ATP13A3: variants seen among roughly 807,000 people sequenced by gnomAD.
The protein encoded by ATP13A3 is polyamine-transporting ATPase 13A3.
Under a neutral mutation model 158.1 loss-of-function variants are expected in ATP13A3, and 59 were observed. The ratio of observed to expected loss-of-function variants is 0.37; its 90% CI spans 0.30 to 0.46. The LOEUF (loss-of-function observed/expected upper bound fraction) is 0.46, where lower values mean the gene tolerates loss of function less well. Ranked by LOEUF, ATP13A3 falls within the 20% of genes least tolerant of loss-of-function variation. The pLI is 1.00. For missense variants in ATP13A3, 1,166 were observed against 1,525.2 expected, an observed-to-expected ratio of 0.76 and a Z score of 3.92; for synonymous variants, 491 against 504.3, an observed-to-expected ratio of 0.97 and a Z score of 0.35.
intron 31 of ATP13A3, among the ~76,000 whole-genome samples, chr3:194,415,658 A>ATTTT (rs1715780753): frequency 1.6e-5 from 2 of 122,944 alleles, no homozygotes; most frequent in African/African-American, 7.3e-5. Flanking sequence ...ACAATACCAC[A>ATTTT]TTCTTTTTTT....
upstream of ATP13A3, among the ~76,000 whole-genome samples, chr3:194,491,134 ACT>A (rs1721141228): frequency 2.6e-5 from 4 of 152,076 alleles, no homozygotes; most frequent in South Asian, 8.3e-4. Flanking sequence ...ACAGAGCAAG[ACT>A]CTATCTCAAA....
At chr3:194,477,547 C>T (rs1720578237) in intron 2 of ATP13A3, among the ~76,000 whole-genome samples, 1 of 152,244 alleles carries the variant, frequency 6.6e-6, no homozygotes, top group African/African-American at 2.4e-5. Flanking sequence ...ACCTCCACCA[C>T]AGCACTATGT....
intron 10 of ATP13A3, chr3:194,450,638 C>G (rs550475912): frequency 5.4e-6 from 1 of 184,002 alleles, no homozygotes; most frequent in African/African-American, 2.3e-5. Context: ...ACAGGTCAAA[C>G]AAACTCCGAT....
At chr3:194,418,059 G>C (rs1403845759) in intron 31 of ATP13A3, among the ~76,000 whole-genome samples, 1 of 150,972 alleles carries the variant, frequency 6.6e-6, no homozygotes, top group African/African-American at 2.4e-5. Context: ...AGGAAGGAAG[G>C]AAACTGATAT....
At chr3:194,462,488 G>A (rs1044773682) in intron 2 of ATP13A3, among the ~76,000 whole-genome samples, 22 of 152,126 alleles carry the variant, frequency 1.4e-4, no homozygotes, top group African/African-American at 5.3e-4. Flanking sequence ...AACTGCGCGT[G>A]CAAGGGATCT....
chr3:194,456,978 G>C, intron 7 of ATP13A3, 116 bp downstream of exon 7: 1 of 590,764 alleles, frequency 1.7e-6, no homozygotes. Context: ...CAACTACTAT[G>C]TCTGTAATAT....
intron 6 of ATP13A3, among the ~76,000 whole-genome samples, chr3:194,458,297 ATTTGATGAC>A (rs2108957943): frequency 6.6e-6 from 1 of 151,986 alleles, no homozygotes; most frequent in East Asian, 1.9e-4. Flanking sequence ...TTCCCACTGA[ATTTGATGAC>A]TTCTCCAGAA....
chr3:194,458,749 AT>A (rs1451112895), intron 6 of ATP13A3, among the ~76,000 whole-genome samples: 1 of 152,198 alleles, frequency 6.6e-6, no homozygotes, highest in African/African-American at 2.4e-5. Flanking sequence ...GCATGTAAAA[AT>A]GCCCATGCCC....
intron 31 of ATP13A3, among the ~76,000 whole-genome samples, chr3:194,418,312 G>T (rs1047867378): frequency 4.6e-5 from 7 of 151,978 alleles, no homozygotes; most frequent in African/African-American, 1.7e-4. Flanking sequence ...TAATAAATTT[G>T]CCATGTCAGA....
At chr3:194,413,878 T>A (rs368924620) in intron 31 of ATP13A3, 39 bp from the exon 32 acceptor site, 1 of 1,529,986 alleles carries the variant, frequency 6.5e-7, no homozygotes. Context: ...AATTGTTGTA[T>A]GTAGTCAATA....
rs1302216646 is a variant in ATP13A3 at position 194,486,789 on chromosome 3, C to G, written c.-312G>C. On this transcript the variant is annotated 5_prime_UTR_variant, in exon 1 of 34. Transcript: ENST00000645319. Reference sequence around the variant, plus strand: ...GGCCCTGGGACGTCCGCGCTCTCCTCCTCCTCCGCGCCCGCGGCGGCGGCG... The same window carrying G: ...GGCCCTGGGACGTCCGCGCTCTCCTGCTCCTCCGCGCCCGCGGCGGCGGCG... 1 of 151,606 alleles carries G rather than the reference C, an allele frequency of 6.6e-6. No homozygotes were observed. The highest frequency in any genetic ancestry group is 2.4e-5 in the African/African-American group (1 of 41,324). 9.4% of individuals were successfully genotyped at this position (151,606 alleles called of 1,614,324 possible).
At chr3:194,479,601 A>T (rs1467598437) in intron 2 of ATP13A3, among the ~76,000 whole-genome samples, 1 of 151,984 alleles carries the variant, frequency 6.6e-6, no homozygotes, top group Non-Finnish European at 1.5e-5. Flanking sequence ...ATTTAAAAAA[A>T]AGAAAAATCT....
At chr3:194,460,310 G>C (rs1168384304) in intron 4 of ATP13A3, among the ~76,000 whole-genome samples, 1 of 151,970 alleles carries the variant, frequency 6.6e-6, no homozygotes, top group Non-Finnish European at 1.5e-5. Context: ...AAGAAAAAAG[G>C]CTGAAATGCA....
At chr3:194,460,563 C>T (rs1412357223) in intron 4 of ATP13A3, 95 bp downstream of exon 4, 4 of 1,271,954 alleles carry the variant, frequency 3.1e-6, no homozygotes, top group South Asian at 1.5e-5. Flanking sequence ...ATCCAGGCAG[C>T]GATGTTCCCT....
intron 2 of ATP13A3, among the ~76,000 whole-genome samples, chr3:194,468,799 T>C (rs1241314676): frequency 1.3e-5 from 2 of 152,272 alleles, no homozygotes; most frequent in African/African-American, 4.8e-5. Flanking sequence ...CAAAGCAATT[T>C]TGAATAATAC....
chr3:194,433,856 T>C lies in ATP13A3; in HGVS notation c.2161A>G (p.Ile721Val). 3.1e-6 allele frequency: 5 copies of C among 1,613,930 alleles called. No homozygotes were observed. The highest frequency in any genetic ancestry group is 4.2e-6 in the Non-Finnish European group (5 of 1,179,794). Residue 721 changes from isoleucine to valine, a missense_variant, in exon 21 of 34, where the codon ATA (isoleucine) becomes GTA (valine). Transcript: ENST00000645319. ...TCTTGCTTTAATTTGTTCTGCATTA[T>C]AATTAATCCCATAAAATCCATGTTG... is the stretch of plus-strand genomic sequence containing the variant. Reference protein sequence around the residue: ...ENNMDFMGLIIMQNKLKQETP... With the variant: ...ENNMDFMGLIVMQNKLKQETP...
chr3:194,430,164 G>A lies in ATP13A3; in HGVS notation c.2685C>T (p.His895=), dbSNP rs749301094. 1.5e-5 allele frequency: 24 copies of A among 1,613,900 alleles called. No individual in the cohort carries two copies. In the South Asian group the frequency reaches 1.5e-4, roughly 10 times the overall value. ...CGAGCTCCGATAAGGAAATGCCTCC[G>A]TGTGCCCTCTTCAAAGCCTAATAAT... ...ANDCGALKRA[H]GGISLSELEA... is the part of the protein sequence containing the mutation. Residue 895 remains histidine, a synonymous_variant, in exon 26 of 34, where the codon CAC becomes CAT. Transcript: ENST00000645319.
At chr3:194,471,068 A>T (rs1720278243) in intron 2 of ATP13A3, among the ~76,000 whole-genome samples, 4 of 152,178 alleles carry the variant, frequency 2.6e-5, no homozygotes, top group Non-Finnish European at 1.5e-5. Flanking sequence ...GATTGAATAT[A>T]TGCCTAAACT....
intron 2 of ATP13A3, among the ~76,000 whole-genome samples, chr3:194,493,543 A>T (rs1721169477): frequency 6.6e-6 from 1 of 151,880 alleles, no homozygotes; most frequent in Non-Finnish European, 1.5e-5. Flanking sequence ...GCTACTCAGG[A>T]GGCTGAGGTG....
Sources: allele counts gnomAD v4.1 joint callset (sites outside exome capture counted in the v4.1 genomes callset), GRCh38; gene constraint gnomAD v4.1.1; transcripts MANE v1.5; gene names NCBI Gene and HGNC (gene_info 2026-07-23, HGNC 2026-07-21).